Variants in ULK4 observed in about 807,000 individuals in gnomAD.
ULK4 encodes inactive serine/threonine-protein kinase ULK4.
In ULK4, 133 loss-of-function variants were observed where a neutral mutation model predicts 160.6. The observed-to-expected ratio is 0.83, with a 90% CI of 0.72 to 0.96. The LOEUF (loss-of-function observed/expected upper bound fraction) is 0.96, where lower values mean the gene tolerates loss of function less well. Ranked by LOEUF, ULK4 falls within the 40% of genes least tolerant of loss-of-function variation. The pLI is 0.00. For missense variants in ULK4, 1,580 were observed against 1,499.5 expected (o/e 1.05, Z -0.89); for synonymous variants, 534 against 539.8 (o/e 0.99, Z 0.15).
Position 41,757,932 on chromosome 3 carries a change from G to A in ULK4, c.2194-3444C>T, listed in dbSNP as rs183553722. 3.9e-5 allele frequency among the ~76,000 whole-genome samples: 6 copies of A among 152,188 alleles called. No homozygotes were observed. The East Asian group carries it at 1.2e-3, about 30-fold the overall frequency. On this transcript the variant is annotated intron_variant, in intron 21 of 36. Coordinates refer to ENST00000301831, the MANE Select transcript of ULK4 (RefSeq NM_017886.4). Reference sequence around the variant, plus strand: ...GTGAGCCACCATGCCTGGCCGAAATGCTCTGATTTTACCTGCTATGGGCTG... The same window carrying A: ...GTGAGCCACCATGCCTGGCCGAAATACTCTGATTTTACCTGCTATGGGCTG...
intron 29 of ULK4, among the ~76,000 whole-genome samples, chr3:41,675,784 A>C (rs1005227391): frequency 2.0e-5 from 3 of 152,200 alleles, no homozygotes; most frequent in Admixed American, 6.5e-5. Flanking sequence ...TCACTTGCAG[A>C]CATCAGAGGC....
At chr3:41,295,114 A>T (rs1157814417) in intron 35 of ULK4, among the ~76,000 whole-genome samples, 1 of 152,248 alleles carries the variant, frequency 6.6e-6, no homozygotes, top group Non-Finnish European at 1.5e-5. Context: ...AGATCAACGG[A>T]ATAGAATAGA....
At chr3:41,348,980 T>C (rs758800584) in intron 35 of ULK4, among the ~76,000 whole-genome samples, 9 of 152,114 alleles carry the variant, frequency 5.9e-5, no homozygotes, top group Non-Finnish European at 1.2e-4. Context: ...AAAGCATCCT[T>C]ATAAAGCTGT....
chr3:41,949,294 T>TA (rs1202923154), intron 2 of ULK4, among the ~76,000 whole-genome samples: 1 of 151,138 alleles, frequency 6.6e-6, no homozygotes, highest in African/African-American at 2.5e-5. Flanking sequence ...GGATAGACTT[T>TA]GAGACTCTGT....
At chr3:41,413,548 C>A (rs2082455809) in intron 34 of ULK4, among the ~76,000 whole-genome samples, 1 of 152,164 alleles carries the variant, frequency 6.6e-6, no homozygotes. Flanking sequence ...CATTACCCTC[C>A]TCATCACAAA....
intron 17 of ULK4, among the ~76,000 whole-genome samples, chr3:41,873,471 C>T (rs2125694892): frequency 6.6e-6 from 1 of 152,270 alleles, no homozygotes; most frequent in South Asian, 2.1e-4. Flanking sequence ...ATTTCCCTCA[C>T]TTTCTTGTTC....
intron 17 of ULK4, among the ~76,000 whole-genome samples, chr3:41,875,956 T>C (rs1333794559): frequency 2.8e-5 from 4 of 144,706 alleles, no homozygotes; most frequent in African/African-American, 8.0e-5. Flanking sequence ...ACCTATGATA[T>C]GTTCTTACCA....
At chr3:41,887,675 G>A (rs551453316) in intron 16 of ULK4, among the ~76,000 whole-genome samples, 301 of 152,126 alleles carry the variant, frequency 2.0e-3, no homozygotes, top group African/African-American at 7.0e-3. Flanking sequence ...ACAAAAATTA[G>A]CTGGGCGTGG....
chr3:41,524,696 T>C (rs1388363294), intron 32 of ULK4, among the ~76,000 whole-genome samples: 1 of 151,872 alleles, frequency 6.6e-6, no homozygotes, highest in East Asian at 1.9e-4. Context: ...TCCCAGCACT[T>C]TGGGAGGCTG....
intron 2 of ULK4, among the ~76,000 whole-genome samples, chr3:41,942,989 G>A (rs940070157): frequency 2.0e-5 from 3 of 151,970 alleles, no homozygotes; most frequent in African/African-American, 7.3e-5. Context: ...CGAGGCGGGT[G>A]GATCACGAGG....
chr3:41,668,589 T>C (rs1477189543), intron 29 of ULK4, among the ~76,000 whole-genome samples: 1 of 152,180 alleles, frequency 6.6e-6, no homozygotes, highest in African/African-American at 2.4e-5. Flanking sequence ...CTATGATGTT[T>C]GCACAATGAT....
chr3:41,845,452 T>C (rs2042048883), intron 17 of ULK4, among the ~76,000 whole-genome samples: 1 of 152,152 alleles, frequency 6.6e-6, no homozygotes, highest in African/African-American at 2.4e-5. Context: ...ATATGACTAT[T>C]TATACAACAT....
At chr3:41,393,912 C>T (rs765455625) in intron 35 of ULK4, among the ~76,000 whole-genome samples, 8 of 152,098 alleles carry the variant, frequency 5.3e-5, no homozygotes, top group Non-Finnish European at 1.0e-4. Flanking sequence ...CCAGCTCTAC[C>T]ATTTCCTAGT....
chr3:41,827,651 T>C (rs1430745885), intron 18 of ULK4, among the ~76,000 whole-genome samples: 1 of 152,140 alleles, frequency 6.6e-6, no homozygotes, highest in Non-Finnish European at 1.5e-5. Context: ...ATTGAGGCAA[T>C]AATTAATAGC....
At chr3:41,612,265 A>G (rs531635929) in intron 31 of ULK4, among the ~76,000 whole-genome samples, 1 of 152,122 alleles carries the variant, frequency 6.6e-6, no homozygotes, top group African/African-American at 2.4e-5. Context: ...CCCCTTCCCC[A>G]AGCTGAACTC....
intron 32 of ULK4, among the ~76,000 whole-genome samples, chr3:41,549,528 T>G (rs927481040): frequency 1.3e-5 from 2 of 152,122 alleles, no homozygotes; most frequent in Non-Finnish European, 2.9e-5. Flanking sequence ...TCAAAAAAGC[T>G]TCTCTGATAT....
At chr3:41,568,996 A>T (rs1397988405) in intron 31 of ULK4, among the ~76,000 whole-genome samples, 7 of 152,324 alleles carry the variant, frequency 4.6e-5, no homozygotes, top group Admixed American at 3.9e-4. Context: ...TCAGGAAAAC[A>T]CGTTTACCAT....
intron 31 of ULK4, among the ~76,000 whole-genome samples, chr3:41,599,860 T>G (rs989837283): frequency 1.8e-4 from 28 of 152,030 alleles, no homozygotes; most frequent in African/African-American, 6.3e-4. Context: ...CCACCGTGCC[T>G]GGCAGAAAAG....
chr3:41,906,261 A>C (rs1289522087), intron 12 of ULK4, among the ~76,000 whole-genome samples: 3 of 147,104 alleles, frequency 2.0e-5, no homozygotes, highest in African/African-American at 7.5e-5. Flanking sequence ...GCAGTGGCTC[A>C]TACCTACAAT....
Sources: gnomAD v4.1 joint callset for allele counts (sites outside exome capture counted in the v4.1 genomes callset) on GRCh38, gnomAD v4.1.1 for gene constraint, MANE v1.5 for transcripts, NCBI Gene and HGNC (gene_info 2026-07-23, HGNC 2026-07-21) for gene names.